Variants in SNTG2 observed in about 807,000 individuals in gnomAD.
SNTG2 encodes syntrophin gamma 2, also known as gamma-2-syntrophin.
A neutral mutation model predicts 70.9 loss-of-function variants in SNTG2; 74 were observed. The ratio of observed to expected loss-of-function variants is 1.04; its 90% CI spans 0.86 to 1.27. The LOEUF (loss-of-function observed/expected upper bound fraction) is 1.27, where lower values mean the gene tolerates loss of function less well. Among genes scored for constraint, SNTG2 ranks in the 50% most tolerant of loss-of-function variants. SNTG2 has a pLI of 0.00. For missense variants in SNTG2, 717 were observed against 690.7 expected, an observed-to-expected ratio of 1.04 and a Z score of -0.43; for synonymous variants, 278 against 273.8, an observed-to-expected ratio of 1.02 and a Z score of -0.15.
intron 8 of SNTG2, among the ~76,000 whole-genome samples, chr2:1,189,696 G>A (rs974607950): frequency 8.6e-5 from 13 of 151,838 alleles, no homozygotes; most frequent in African/African-American, 1.5e-4. Context: ...GTAGGTGCAC[G>A]CCAGCACGCC....
At chr2:1,062,062 G>A (rs1041525199) in intron 1 of SNTG2, among the ~76,000 whole-genome samples, 4 of 152,136 alleles carry the variant, frequency 2.6e-5, no homozygotes, top group Admixed American at 1.3e-4. Flanking sequence ...AAACATGAGT[G>A]TAATAGAGGA....
intron 1 of SNTG2, among the ~76,000 whole-genome samples, chr2:975,347 T>A (rs6753458): frequency 6.7e-6 from 1 of 150,230 alleles, no homozygotes; most frequent in African/African-American, 2.4e-5. Context: ...AAACACCACA[T>A]GCTTGGACTC....
At chr2:1,080,947 C>T (rs1664249158) in intron 1 of SNTG2, among the ~76,000 whole-genome samples, 1 of 152,084 alleles carries the variant, frequency 6.6e-6, no homozygotes, top group South Asian at 2.1e-4. Context: ...GCTGGTGGCC[C>T]TTCCTTTTCT....
chr2:1,169,037 C>A (rs1670944896), intron 7 of SNTG2, among the ~76,000 whole-genome samples: 2 of 152,046 alleles, frequency 1.3e-5, no homozygotes, highest in Admixed American at 6.5e-5. Flanking sequence ...AGCAGGGAGA[C>A]TCAGGTGTCA....
At chr2:1,335,181 G>A (rs931587387) in intron 16 of SNTG2, among the ~76,000 whole-genome samples, 6 of 152,066 alleles carry the variant, frequency 3.9e-5, no homozygotes, top group South Asian at 2.1e-4. Context: ...ACCCCCGTGC[G>A]TTCCTCTGCA....
intron 1 of SNTG2, among the ~76,000 whole-genome samples, chr2:1,005,945 A>T: frequency 6.7e-6 from 1 of 148,368 alleles, no homozygotes; most frequent in African/African-American, 2.5e-5. Context: ...TTTACATGCC[A>T]ACTGAATTAT....
At chr2:981,460 T>C (rs1661092119) in intron 1 of SNTG2, among the ~76,000 whole-genome samples, 1 of 151,762 alleles carries the variant, frequency 6.6e-6, no homozygotes, top group African/African-American at 2.4e-5. Flanking sequence ...CAAATGCATA[T>C]GCACACATGC....
chr2:1,155,900 C>T (rs1285017933), intron 6 of SNTG2, among the ~76,000 whole-genome samples: 1 of 152,072 alleles, frequency 6.6e-6, no homozygotes, highest in East Asian at 1.9e-4. Flanking sequence ...TCAAGGAATG[C>T]AAGCGCTGCT....
At chr2:967,204 CT>C (rs1660596784) in intron 1 of SNTG2, among the ~76,000 whole-genome samples, 1 of 152,134 alleles carries the variant, frequency 6.6e-6, no homozygotes, top group Non-Finnish European at 1.5e-5. Flanking sequence ...AACTGGTACT[CT>C]TTTTCTTTTT....
At chr2:954,501 G>C (rs1660079061) in intron 1 of SNTG2, among the ~76,000 whole-genome samples, 1 of 152,294 alleles carries the variant, frequency 6.6e-6, no homozygotes, top group South Asian at 2.1e-4. Flanking sequence ...TTGTTGTCCA[G>C]CTGGTTACCG....
At chr2:987,559 C>T (rs376035649) in intron 1 of SNTG2, among the ~76,000 whole-genome samples, 4 of 152,126 alleles carry the variant, frequency 2.6e-5, no homozygotes, top group South Asian at 2.1e-4. Context: ...GCGTCTCTAG[C>T]GGCTGGAGAA....
chr2:1,333,790 G>C (rs1572995414), intron 16 of SNTG2, among the ~76,000 whole-genome samples: 1 of 152,214 alleles, frequency 6.6e-6, no homozygotes, highest in East Asian at 1.9e-4. Flanking sequence ...AATCAACTGA[G>C]GATGGATCAA....
At chr2:1,167,055 G>A (rs770161535) in intron 7 of SNTG2, among the ~76,000 whole-genome samples, 11 of 152,198 alleles carry the variant, frequency 7.2e-5, no homozygotes, top group Non-Finnish European at 1.5e-4. Context: ...GGTATGCTAA[G>A]GCAAGAACCC....
intron 14 of SNTG2, among the ~76,000 whole-genome samples, chr2:1,286,624 A>G (rs920540644): frequency 3.5e-4 from 53 of 152,214 alleles, no homozygotes; most frequent in African/African-American, 1.3e-3. Context: ...CAGGATAGGC[A>G]AACCCATATT....
intron 4 of SNTG2, among the ~76,000 whole-genome samples, chr2:1,127,721 A>G (rs766351231): frequency 4.5e-4 from 68 of 152,050 alleles, no homozygotes; most frequent in Middle Eastern, 3.4e-3. Context: ...GTGTGTGGCT[A>G]TTGTAAATGG....
chr2:1,019,177 A>C (rs1660016878), intron 1 of SNTG2, among the ~76,000 whole-genome samples: 1 of 152,206 alleles, frequency 6.6e-6, no homozygotes, highest in Non-Finnish European at 1.5e-5. Context: ...TGCATCAAAC[A>C]GTCCCCTTTG....
chr2:1,114,490 T>C (rs1364852012), intron 4 of SNTG2, among the ~76,000 whole-genome samples: 1 of 152,116 alleles, frequency 6.6e-6, no homozygotes, highest in East Asian at 1.9e-4. Flanking sequence ...CTTACAGTCC[T>C]TTGAGGAGAA....
intron 11 of SNTG2, among the ~76,000 whole-genome samples, chr2:1,242,541 C>T (rs1025987166): frequency 6.6e-6 from 1 of 152,148 alleles, no homozygotes; most frequent in East Asian, 1.9e-4. Context: ...AACCTGAAAA[C>T]ATTACCAAGA....
In SNTG2 at chr2:1,237,907, C is replaced by A. The variant is rs1387107587; in HGVS notation, c.739C>A (p.Leu247Ile). Residue 247 changes from leucine (L) to isoleucine (I), a missense_variant, in exon 10 of 17, where the codon CTC (leucine) becomes ATC (isoleucine). Transcript: ENST00000308624. ...EKLRWNAFEVLALDGVSSGIL... is the reference protein window; with the variant it reads ...EKLRWNAFEVIALDGVSSGIL... ...CCCCAGGTGGAATGCGTTCGAGGTG[C>A]TCGCCCTGGACGGAGTCAGCTCTGG... The A allele has an allele frequency of 6.2e-7, 1 of 1,605,042 alleles. No homozygotes were observed. The highest frequency in any genetic ancestry group is 1.7e-5 in the Admixed American group (1 of 59,002).
Sources: gnomAD v4.1 joint callset for allele counts (sites outside exome capture counted in the v4.1 genomes callset) on GRCh38, gnomAD v4.1.1 for gene constraint, MANE v1.5 for transcripts, NCBI Gene and HGNC (gene_info 2026-07-23, HGNC 2026-07-21) for gene names.